ARHGEF18: variants seen among roughly 807,000 people sequenced by gnomAD.
ARHGEF18 encodes the protein Rho/Rac guanine nucleotide exchange factor 18.
ARHGEF18 carries 93 observed loss-of-function variants against 155.7 expected under a neutral mutation model. The observed-to-expected ratio is 0.60, with a 90% CI of 0.50 to 0.71. The LOEUF is 0.71. ARHGEF18 is among the 30% of genes least tolerant of loss of function. ARHGEF18 has a pLI of 0.00. For synonymous variants in ARHGEF18, 742 were observed against 753.1 expected (o/e 0.99, Z 0.24); for missense variants, 1,593 against 1,816.1 (o/e 0.88, Z 2.23).
At chr19:7,436,238 A>T in intron 10 of ARHGEF18, among the ~76,000 whole-genome samples, 1 of 141,906 alleles carries the variant, frequency 7.0e-6, no homozygotes, top group Admixed American at 7.1e-5. Context: ...GATTTTGGGA[A>T]TTGGCATTGC....
chr19:7,473,672 T>A (rs556195230), downstream of ARHGEF18, among the ~76,000 whole-genome samples: 3 of 151,868 alleles, frequency 2.0e-5, no homozygotes, highest in Non-Finnish European at 2.9e-5. Context: ...TAGCCGGGCG[T>A]GGTGGCGGGC....
At position 7,409,772 on chromosome 19, in the gene ARHGEF18, T is replaced by C. The variant is rs200828536; in HGVS notation, c.967+26569T>C. Among the ~76,000 whole-genome samples, 379 of 143,832 alleles carry C rather than the reference T, an allele frequency of 2.6e-3. 12 individuals carry two copies. The East Asian group carries it at 0.065, about 25-fold the overall frequency. The allele number at this position is 143,832 out of a possible 152,430, so 94.4% of individuals were successfully genotyped here. ...GGGGTTTTTCTTTCTTTCTTTCTTTTTTTTTTTTTTTTATTGAGATGGAGT... is the reference window on the plus strand; with the variant it reads ...GGGGTTTTTCTTTCTTTCTTTCTTTCTTTTTTTTTTTTATTGAGATGGAGT... On this transcript the variant is annotated intron_variant, in intron 10 of 28. Transcript: ENST00000668164.
At position 7,444,499 on chromosome 19, in the gene ARHGEF18, C is replaced by T; in HGVS notation, c.1611+45C>T. On this transcript the variant is annotated intron_variant, in intron 14 of 28. Transcript: ENST00000668164. The surrounding 1 kb of genome is among the most constrained non-coding windows in gnomAD (Gnocchi z 4.7). ...TCTCAACAGTCTTCAAAGCCTCTGCCTTGTCTCTGTTCCTTTCTTCTTTTT... is the reference window on the plus strand; with the variant it reads ...TCTCAACAGTCTTCAAAGCCTCTGCTTTGTCTCTGTTCCTTTCTTCTTTTT... 1.3e-6 allele frequency: 2 copies of T among 1,598,778 alleles called. No homozygotes were observed. Among genetic ancestry groups the T allele is most frequent in the Non-Finnish European group, 1.7e-6 (2 of 1,171,534 alleles).
At position 7,440,112 on chromosome 19, in the gene ARHGEF18, G is replaced by A; in HGVS notation, c.968-232G>A. On this transcript the variant is annotated intron_variant, in intron 10 of 28. Transcript: ENST00000668164. The surrounding 1 kb of genome is among the most constrained non-coding windows in gnomAD (Gnocchi z 5.4). The stretch of plus-strand genomic sequence containing the variant: ...AGCCCCGGGCGCGAACATGGGGAAT[G>A]CGCACTCCAAAAGCGGGGACAGGCA... 1 of 1,551,006 alleles carries A rather than the reference G, an allele frequency of 6.4e-7. No homozygotes were observed. Among genetic ancestry groups the A allele is most frequent in the Non-Finnish European group, 8.7e-7 (1 of 1,146,794 alleles).
At chr19:7,414,173 A>G (rs1328669297) in intron 10 of ARHGEF18, among the ~76,000 whole-genome samples, 1 of 151,904 alleles carries the variant, frequency 6.6e-6, no homozygotes, top group Non-Finnish European at 1.5e-5. Flanking sequence ...TGCCAGGAGC[A>G]CCCCTCTTCC....
chr19:7,440,527 C>T lies in ARHGEF18; in HGVS notation c.1106+45C>T. The T allele has an allele frequency of 1.3e-6, 2 of 1,554,082 alleles. No individual in the cohort carries two copies. The highest frequency in any genetic ancestry group is 1.3e-5 in the African/African-American group (1 of 74,172). On this transcript the variant is annotated intron_variant, in intron 11 of 28. Transcript: ENST00000668164. This position sits in a 1 kb window ranked among gnomAD's most constrained non-coding sequence, Gnocchi z 5.4. ...GTGCCCTCGGGTGGGTGGTGGCATT[C>T]CCCGGGGAGCTGTTGACAGCCTCTT...
At chr19:7,456,223 C>A in intron 17 of ARHGEF18, 104 bp from the exon 18 acceptor site, 2 of 1,013,314 alleles carry the variant, frequency 2.0e-6, no homozygotes, top group Non-Finnish European at 1.6e-6. Flanking sequence ...GCAGAAGCAT[C>A]ATGCTGCTTA....
intron 3 of ARHGEF18, among the ~76,000 whole-genome samples, chr19:7,373,486 T>TTTG (rs1307620769): frequency 6.4e-5 from 8 of 124,132 alleles, no homozygotes; most frequent in African/African-American, 4.2e-4. Context: ...TGTTTTTGTT[T>TTTG]TTTTTTTGAG....
intron 10 of ARHGEF18, among the ~76,000 whole-genome samples, chr19:7,417,563 G>A (rs933851038): frequency 2.0e-5 from 3 of 152,158 alleles, no homozygotes; most frequent in African/African-American, 4.8e-5. Context: ...CCAGACGAGT[G>A]GCGCACGCCT....
chr19:7,451,560 G>A (rs1458709633), intron 16 of ARHGEF18, among the ~76,000 whole-genome samples: 3 of 151,718 alleles, frequency 2.0e-5, no homozygotes, highest in East Asian at 1.9e-4. Flanking sequence ...ACAGGCATAC[G>A]CCACTACACA....
chr19:7,407,064 CA>C (rs3997572), intron 10 of ARHGEF18, among the ~76,000 whole-genome samples: 5,682 of 55,744 alleles, frequency 0.1, 268 homozygotes, highest in African/African-American at 0.25. Flanking sequence ...GACTCCGTCT[CA>C]AAAAAAAAAA....
intron 16 of ARHGEF18, among the ~76,000 whole-genome samples, chr19:7,452,556 C>T (rs972257720): frequency 2.0e-5 from 3 of 151,990 alleles, no homozygotes; most frequent in African/African-American, 7.2e-5. Flanking sequence ...ACCTCTGCCT[C>T]CTGGGTTCAA....
At chr19:7,370,823 CA>C (rs1970168523) in intron 2 of ARHGEF18, among the ~76,000 whole-genome samples, 1 of 152,026 alleles carries the variant, frequency 6.6e-6, no homozygotes, top group Non-Finnish European at 1.5e-5. Flanking sequence ...AAACCAGACA[CA>C]AAAGGATAAA....
At chr19:7,467,707 G>A in intron 26 of ARHGEF18, 23 bp downstream of exon 26, 3 of 1,460,724 alleles carry the variant, frequency 2.1e-6, no homozygotes, top group Non-Finnish European at 2.7e-6. Context: ...CAGCCAGTGT[G>A]CGCAGGTTGG....
chr19:7,458,906 C>T (rs1976018660), intron 19 of ARHGEF18, among the ~76,000 whole-genome samples: 1 of 152,204 alleles, frequency 6.6e-6, no homozygotes, highest in Non-Finnish European at 1.5e-5. Context: ...TTTCTGCATG[C>T]GTGGGCCACT....
rs556634985 is a variant in ARHGEF18 at position 7,351,653 on chromosome 19, C to T, written c.-111+2412C>T. ...GGACTTCTTAAGGATCCCATCCAGC[C>T]ATCCCTGTATCATATGCTACTGTAT... On this transcript the variant is annotated intron_variant, in intron 1 of 28. Transcript: ENST00000668164. 4.3e-4 allele frequency among the ~76,000 whole-genome samples: 65 copies of T among 150,532 alleles called. 1 individual carries two copies. Among genetic ancestry groups the T allele is most frequent in the South Asian group, 3.1e-3 (15 of 4,764 alleles).
intron 10 of ARHGEF18, among the ~76,000 whole-genome samples, chr19:7,439,246 AG>A (rs1473381327): frequency 1.3e-5 from 2 of 150,844 alleles, no homozygotes; most frequent in Non-Finnish European, 2.9e-5. Context: ...GCTTGAAGTC[AG>A]GAGTTCAAGA....
chr19:7,428,873 A>G (rs1391658150), intron 10 of ARHGEF18, among the ~76,000 whole-genome samples: 1 of 152,180 alleles, frequency 6.6e-6, no homozygotes, highest in African/African-American at 2.4e-5. Context: ...TCGTGCCGCA[A>G]TGGGCTGAGC....
chr19:7,399,656 A>T (rs774763624), intron 10 of ARHGEF18, among the ~76,000 whole-genome samples: 26 of 150,380 alleles, frequency 1.7e-4, no homozygotes, highest in Non-Finnish European at 2.7e-4. Flanking sequence ...AATTTTTTGT[A>T]TTTTTAGTAG....
Sources: gnomAD v4.1 joint callset for allele counts (sites outside exome capture counted in the v4.1 genomes callset) on GRCh38, gnomAD v4.1.1 for gene constraint, Gnocchi (gnomAD v3.1) non-coding constraint, MANE v1.5 for transcripts, NCBI Gene and HGNC (gene_info 2026-07-23, HGNC 2026-07-21) for gene names.